The following PLCB4 variants were observed in gnomAD, a reference collection of about 807,000 sequenced individuals.
PLCB4 encodes phospholipase C beta 4.
A neutral mutation model predicts 178.8 loss-of-function variants in PLCB4; 77 were observed. That is an observed-to-expected ratio of 0.43 (90% confidence interval 0.36 to 0.52). The LOEUF is 0.52. Ranked by LOEUF, PLCB4 falls within the 20% of genes least tolerant of loss-of-function variation. The pLI is 0.00. For missense variants in PLCB4, 1,024 were observed against 1,453.4 expected, an observed-to-expected ratio of 0.70 and a Z score of 4.80; for synonymous variants, 496 against 490.8, an observed-to-expected ratio of 1.01 and a Z score of -0.14.
rs140810429 is a variant in PLCB4, at chr20:9,402,243, C to T, written c.1611+653C>T. On this transcript the variant is annotated intron_variant, in intron 20 of 39. Coordinates refer to ENST00000378473, the MANE Select transcript of PLCB4 (RefSeq NM_001377142.1). ...GTGAGTGCAATTATGAACATAAACA[C>T]GCATGCTGAAGAATAATGAAGTAGA... is the stretch of plus-strand genomic sequence containing the variant. Among the ~76,000 whole-genome samples the T allele has an allele frequency of 6.4e-3, 967 of 152,234 alleles. 43 individuals carry two copies. Among genetic ancestry groups the T allele is most frequent in the Admixed American group, 0.057 (873 of 15,290 alleles).
chr20:9,424,814 GAC>G (rs1049288661), intron 28 of PLCB4, among the ~76,000 whole-genome samples: 15 of 152,314 alleles, frequency 9.8e-5, no homozygotes, highest in African/African-American at 3.6e-4. Context: ...GGTGTCTGTA[GAC>G]ACAGATATAA....
At chr20:9,412,452 A>G (rs943827379) in intron 25 of PLCB4, among the ~76,000 whole-genome samples, 1 of 152,158 alleles carries the variant, frequency 6.6e-6, no homozygotes, top group Non-Finnish European at 1.5e-5. Context: ...GATAAAATGA[A>G]GACGGTGACA....
chr20:9,166,561 C>T (rs183825897), intron 2 of PLCB4: 158 of 152,304 alleles, frequency 1.0e-3, no homozygotes, highest in Non-Finnish European at 1.7e-3. Context: ...GAGGCTCCTG[C>T]CCCTTCCCAT....
chr20:9,232,449 T>C (rs76046105), intron 3 of PLCB4, among the ~76,000 whole-genome samples: 4,003 of 152,202 alleles, frequency 0.026, 79 homozygotes, highest in African/African-American at 0.034. Flanking sequence ...TGTCTCTAAA[T>C]TGTCTATTGT....
At chr20:9,324,360 AG>A (rs1436259973) in intron 4 of PLCB4, among the ~76,000 whole-genome samples, 1 of 152,190 alleles carries the variant, frequency 6.6e-6, no homozygotes, top group African/African-American at 2.4e-5. Context: ...CGGGAGGCAG[AG>A]GTTGCAGTGA....
intron 3 of PLCB4, among the ~76,000 whole-genome samples, chr20:9,239,434 C>A (rs555995260): frequency 6.6e-6 from 1 of 152,168 alleles, no homozygotes; most frequent in East Asian, 1.9e-4. Flanking sequence ...CATGGCTGAC[C>A]CCTATAACAA....
intron 9 of PLCB4, among the ~76,000 whole-genome samples, chr20:9,369,926 C>T (rs1342322972): frequency 6.6e-6 from 1 of 152,158 alleles, no homozygotes; most frequent in African/African-American, 2.4e-5. Flanking sequence ...AAAACTCCAT[C>T]CTCAAGTCAA....
chr20:9,086,844 A>G (rs187751431), intron 1 of PLCB4, among the ~76,000 whole-genome samples: 374 of 152,338 alleles, frequency 2.5e-3, no homozygotes, highest in African/African-American at 7.1e-3. Context: ...TTCTTGAGCA[A>G]GTCATTTCAC....
intron 33 of PLCB4, among the ~76,000 whole-genome samples, chr20:9,454,196 A>G (rs1392885893): frequency 6.6e-6 from 1 of 152,200 alleles, no homozygotes; most frequent in Non-Finnish European, 1.5e-5. Context: ...ATTTGTGGCA[A>G]GCACACCATG....
intron 3 of PLCB4, among the ~76,000 whole-genome samples, chr20:9,307,395 A>G (rs924117757): frequency 2.5e-4 from 38 of 152,084 alleles, no homozygotes; most frequent in African/African-American, 8.7e-4. Flanking sequence ...CTTCAAGCCC[A>G]TAGTGCCCTT....
intron 17 of PLCB4, among the ~76,000 whole-genome samples, chr20:9,391,198 C>T (rs1432340224): frequency 1.3e-5 from 2 of 152,204 alleles, no homozygotes; most frequent in Admixed American, 1.3e-4. Context: ...CTAATTTCTT[C>T]ATAAAGCAAA....
At position 9,238,414 on chromosome 20, in the gene PLCB4, C is replaced by T. The variant is rs112618958; in HGVS notation, c.-16+20962C>T. Among the ~76,000 whole-genome samples the T allele has an allele frequency of 2.9e-4, 44 of 152,264 alleles. 1 individual carries two copies. The highest frequency in any genetic ancestry group is 1.0e-3 in the African/African-American group (43 of 41,564). ...AGGAGGAAGTGGAGTTGACCCCCCCCCGAGGGACACCTTATCCATATGTGG... is the reference window on the plus strand; with the variant it reads ...AGGAGGAAGTGGAGTTGACCCCCCCTCGAGGGACACCTTATCCATATGTGG... On this transcript the variant is annotated intron_variant, in intron 3 of 39. Coordinates refer to ENST00000378473, the MANE Select transcript of PLCB4 (RefSeq NM_001377142.1).
intron 2 of PLCB4, among the ~76,000 whole-genome samples, chr20:9,115,123 C>T (rs1286876760): frequency 6.6e-6 from 1 of 152,138 alleles, no homozygotes; most frequent in African/African-American, 2.4e-5. Flanking sequence ...TCTCTAGTTA[C>T]TTCCTTATTT....
chr20:9,253,169 T>A (rs754596951), intron 3 of PLCB4, among the ~76,000 whole-genome samples: 15 of 152,202 alleles, frequency 9.9e-5, no homozygotes, highest in Non-Finnish European at 1.8e-4. Flanking sequence ...AGTACTATGG[T>A]AGAAGCTCTC....
chr20:9,196,087 C>G (rs1568932379), intron 2 of PLCB4, among the ~76,000 whole-genome samples: 2 of 152,068 alleles, frequency 1.3e-5, no homozygotes, highest in Non-Finnish European at 2.9e-5. Context: ...AAGTAAAGGA[C>G]TGGTAGAGAT....
chr20:9,069,483 C>T (rs1225695542), intron 1 of PLCB4, among the ~76,000 whole-genome samples: 2 of 152,106 alleles, frequency 1.3e-5, no homozygotes, highest in Admixed American at 6.5e-5. Flanking sequence ...TAGCTCGGCT[C>T]GACGTGTATA....
chr20:9,104,306 A>G (rs115118091), intron 2 of PLCB4, among the ~76,000 whole-genome samples: 49 of 152,238 alleles, frequency 3.2e-4, no homozygotes, highest in African/African-American at 1.2e-3. Context: ...CAAGAGATAG[A>G]AGTAAAAGTT....
intron 3 of PLCB4, among the ~76,000 whole-genome samples, chr20:9,254,814 C>A (rs994053875): frequency 3.3e-5 from 5 of 152,148 alleles, no homozygotes; most frequent in Admixed American, 1.3e-4. Flanking sequence ...ATGTTTATTG[C>A]AAATGGTCCA....
Position 9,296,382 on chromosome 20 carries a change from G to T in PLCB4, c.-15-11418G>T, listed in dbSNP as rs1331650447. 2.6e-5 allele frequency among the ~76,000 whole-genome samples: 4 copies of T among 152,316 alleles called. No homozygotes were observed. The East Asian group carries it at 7.7e-4, about 29-fold the overall frequency. On this transcript the variant is annotated intron_variant, in intron 3 of 39. Transcript: ENST00000378473. ...CAACAGGTGCTGGAGAGGATGTGGAGAAATAGGAACACTTTTACACTGTTG... is the reference window on the plus strand; with the variant it reads ...CAACAGGTGCTGGAGAGGATGTGGATAAATAGGAACACTTTTACACTGTTG...
Sources: gnomAD v4.1 joint callset for allele counts (sites outside exome capture counted in the v4.1 genomes callset) on GRCh38, gnomAD v4.1.1 for gene constraint, MANE v1.5 for transcripts, NCBI Gene and HGNC (gene_info 2026-07-23, HGNC 2026-07-21) for gene names.